FHIT: variants seen among roughly 807,000 people sequenced by gnomAD.
The protein encoded by FHIT is fragile histidine triad diadenosine triphosphatase, also known as bis(5'-adenosyl)-triphosphatase.
Under a neutral mutation model 17.9 loss-of-function variants are expected in FHIT, and 19 were observed. That is an observed-to-expected ratio of 1.06 (90% CI 0.74 to 1.56). The LOEUF is 1.56. Among genes scored for constraint, FHIT ranks in the 40% most tolerant of loss-of-function variants. The pLI, the probability that FHIT is intolerant of heterozygous loss-of-function variation, is 0.00. For missense variants in FHIT, 248 were observed against 189.2 expected (o/e 1.31, Z -1.82); for synonymous variants, 81 against 69.7 (o/e 1.16, Z -0.81).
chr3:61,192,062 G>A (rs931172445), intron 2 of FHIT, among the ~76,000 whole-genome samples: 2 of 152,088 alleles, frequency 1.3e-5, no homozygotes, highest in African/African-American at 4.8e-5. Flanking sequence ...AGTGGATGTT[G>A]CCATGTCTGC....
intron 7 of FHIT, among the ~76,000 whole-genome samples, chr3:59,940,221 G>T (rs1313641077): frequency 1.3e-5 from 2 of 152,126 alleles, no homozygotes; most frequent in Non-Finnish European, 2.9e-5. Context: ...TAGATGTAAG[G>T]TGTTTGCAGC....
rs10680391 is a variant in FHIT, at chr3:60,139,820, TA to T, written c.104-125669del. On this transcript the variant is annotated intron_variant, in intron 5 of 9. Coordinates refer to ENST00000492590, the MANE Select transcript of FHIT (RefSeq NM_002012.4). ...CTTTACCTTAAGTACCTTTCATTAT[TA>T]AAAAAAAAAAATGGTTAACTATGGC... is the stretch of plus-strand genomic sequence containing the variant. 1.5e-3 allele frequency among the ~76,000 whole-genome samples: 227 copies of T among 147,682 alleles called. 3 individuals carry two copies. Among genetic ancestry groups the T allele is most frequent in the Middle Eastern group, 6.9e-3 (2 of 288 alleles).
intron 5 of FHIT, among the ~76,000 whole-genome samples, chr3:60,287,463 C>T (rs62248475): frequency 0.027 from 4,158 of 152,286 alleles, 103 homozygotes; most frequent in Non-Finnish European, 0.04. Flanking sequence ...GCCACCACAC[C>T]CAGCCAAAAT....
chr3:60,322,327 G>A (rs1709470490), intron 5 of FHIT, among the ~76,000 whole-genome samples: 1 of 152,140 alleles, frequency 6.6e-6, no homozygotes, highest in South Asian at 2.1e-4. Flanking sequence ...AGGTGGTTTT[G>A]CATGTGTCAT....
intron 3 of FHIT, among the ~76,000 whole-genome samples, chr3:60,852,893 T>G (rs1394017182): frequency 6.6e-6 from 1 of 151,996 alleles, no homozygotes; most frequent in Non-Finnish European, 1.5e-5. Context: ...AGTAAAAATA[T>G]TAAACAAATT....
chr3:59,930,292 TG>T (rs751475998), intron 7 of FHIT, among the ~76,000 whole-genome samples: 2 of 151,956 alleles, frequency 1.3e-5, no homozygotes, highest in Non-Finnish European at 2.9e-5. Context: ...CCATGGTGGG[TG>T]GGGGTAACAC....
intron 8 of FHIT, among the ~76,000 whole-genome samples, chr3:59,917,735 A>G (rs1705201990): frequency 6.6e-6 from 1 of 152,320 alleles, no homozygotes; most frequent in Admixed American, 6.5e-5. Flanking sequence ...AGAGGCTCAT[A>G]CTCTGAAATG....
chr3:60,456,989 A>C (rs1309244842), intron 5 of FHIT, among the ~76,000 whole-genome samples: 3 of 152,222 alleles, frequency 2.0e-5, no homozygotes, highest in Non-Finnish European at 4.4e-5. Flanking sequence ...CAATATCATG[A>C]AAATGGCCAT....
intron 5 of FHIT, among the ~76,000 whole-genome samples, chr3:60,124,360 G>A (rs375360418): frequency 9.2e-5 from 14 of 151,826 alleles, no homozygotes; most frequent in African/African-American, 3.1e-4. Context: ...CCTAAAACCA[G>A]GTTCATTAAT....
intron 7 of FHIT, among the ~76,000 whole-genome samples, chr3:59,996,656 T>A (rs1445914346): frequency 6.6e-6 from 1 of 152,188 alleles, no homozygotes; most frequent in South Asian, 2.1e-4. Flanking sequence ...TTTGTATGCC[T>A]ACTGAAAGAA....
intron 7 of FHIT, among the ~76,000 whole-genome samples, chr3:59,951,319 T>C (rs1013550096): frequency 6.6e-6 from 1 of 152,192 alleles, no homozygotes; most frequent in Non-Finnish European, 1.5e-5. Context: ...TCCACGACTT[T>C]GTAGCCATTG....
chr3:59,831,723 T>A (rs1484066243), intron 8 of FHIT, among the ~76,000 whole-genome samples: 1 of 151,730 alleles, frequency 6.6e-6, no homozygotes. Context: ...GGAAAATCAG[T>A]GGAATAGGGA....
intron 5 of FHIT, among the ~76,000 whole-genome samples, chr3:60,355,760 T>C (rs34697759): frequency 0.13 from 20,239 of 152,166 alleles, 1,667 homozygotes; most frequent in Non-Finnish European, 0.18. Flanking sequence ...AGATGACAAA[T>C]GTCAACGAAG....
chr3:61,169,202 G>A (rs1289508133), intron 2 of FHIT, among the ~76,000 whole-genome samples: 1 of 152,180 alleles, frequency 6.6e-6, no homozygotes, highest in Admixed American at 6.5e-5. Context: ...TTCGTAAGTT[G>A]TAGATAACTG....
At chr3:59,841,567 A>G (rs977314688) in intron 8 of FHIT, among the ~76,000 whole-genome samples, 2 of 152,162 alleles carry the variant, frequency 1.3e-5, no homozygotes, top group Non-Finnish European at 2.9e-5. Context: ...GGCCTACCTC[A>G]AAGTCCAGCT....
intron 7 of FHIT, among the ~76,000 whole-genome samples, chr3:59,951,569 C>T (rs573384918): frequency 6.6e-6 from 1 of 152,206 alleles, no homozygotes; most frequent in Non-Finnish European, 1.5e-5. Context: ...GACCCTTCAG[C>T]CAACTTGGGA....
intron 5 of FHIT, among the ~76,000 whole-genome samples, chr3:60,218,655 A>C (rs553549496): frequency 6.6e-6 from 1 of 152,232 alleles, no homozygotes; most frequent in East Asian, 1.9e-4. Flanking sequence ...AAGATGGTGA[A>C]TATGTGCTCA....
At chr3:60,022,669 C>T (rs1700596008) in intron 5 of FHIT, among the ~76,000 whole-genome samples, 1 of 152,140 alleles carries the variant, frequency 6.6e-6, no homozygotes, top group Admixed American at 6.5e-5. Context: ...TAGCTATTTA[C>T]AGCAGCATGT....
At chr3:59,791,155 G>C (rs1416945629) in intron 8 of FHIT, among the ~76,000 whole-genome samples, 1 of 152,122 alleles carries the variant, frequency 6.6e-6, no homozygotes, top group Non-Finnish European at 1.5e-5. Context: ...GCTTTGGATG[G>C]GGTTGACTCC....
Sources: gnomAD v4.1 joint callset for allele counts (sites outside exome capture counted in the v4.1 genomes callset) on GRCh38, gnomAD v4.1.1 for gene constraint, MANE v1.5 for transcripts, NCBI Gene and HGNC (gene_info 2026-07-23, HGNC 2026-07-21) for gene names.